NKAIN2: variants seen among roughly 807,000 people sequenced by gnomAD.
The protein encoded by NKAIN2 is sodium/potassium-transporting ATPase subunit beta-1-interacting protein 2.
Under a neutral mutation model 32.6 loss-of-function variants are expected in NKAIN2, and 14 were observed. The observed-to-expected ratio is 0.43, with a 90% CI of 0.28 to 0.67. The LOEUF is 0.67. Ranked by LOEUF, NKAIN2 falls within the 30% of genes least tolerant of loss-of-function variation. The pLI, the probability that NKAIN2 is intolerant of heterozygous loss-of-function variation, is 0.17. For missense variants in NKAIN2, 198 were observed against 258.3 expected (o/e 0.77, Z 1.60); for synonymous variants, 80 against 87.2 (o/e 0.92, Z 0.46).
chr6:123,873,752 T>C (rs1280038884), intron 1 of NKAIN2, among the ~76,000 whole-genome samples: 2 of 152,116 alleles, frequency 1.3e-5, no homozygotes, highest in East Asian at 3.9e-4. Context: ...CAGGAGAGAC[T>C]GGATGGATGG....
At chr6:124,070,032 T>G (rs1465892813) in intron 1 of NKAIN2, among the ~76,000 whole-genome samples, 1 of 152,220 alleles carries the variant, frequency 6.6e-6, no homozygotes, top group Non-Finnish European at 1.5e-5. Context: ...TATTTTAACC[T>G]TATTAATTAG....
chr6:124,056,829 G>A (rs1031378480), intron 1 of NKAIN2, among the ~76,000 whole-genome samples: 1 of 152,004 alleles, frequency 6.6e-6, no homozygotes, highest in Non-Finnish European at 1.5e-5. Flanking sequence ...CATGGAGCCA[G>A]CTTATTGATG....
intron 4 of NKAIN2, among the ~76,000 whole-genome samples, chr6:124,771,598 CTTT>C (rs781411563): frequency 6.6e-6 from 1 of 152,116 alleles, no homozygotes. Context: ...GGATTTAACA[CTTT>C]TGCAAAATTG....
intron 1 of NKAIN2, among the ~76,000 whole-genome samples, chr6:124,088,341 A>G (rs1784279205): frequency 6.6e-6 from 1 of 152,000 alleles, no homozygotes; most frequent in Non-Finnish European, 1.5e-5. Context: ...GGATAATTTG[A>G]GCCCAGAAGT....
intron 3 of NKAIN2, among the ~76,000 whole-genome samples, chr6:124,445,347 CTTTTTA>C (rs573530934): frequency 1.3e-3 from 199 of 152,124 alleles, no homozygotes; most frequent in Non-Finnish European, 2.3e-3. Flanking sequence ...TTGAAAAATA[CTTTTTA>C]TTATTATATC....
intron 1 of NKAIN2, among the ~76,000 whole-genome samples, chr6:123,925,940 G>A (rs1775983846): frequency 6.6e-6 from 1 of 152,156 alleles, no homozygotes; most frequent in Non-Finnish European, 1.5e-5. Flanking sequence ...GAGAAGTCCA[G>A]GATCAAGGTG....
intron 3 of NKAIN2, among the ~76,000 whole-genome samples, chr6:124,432,827 G>C (rs1040298885): frequency 1.3e-5 from 2 of 151,948 alleles, no homozygotes; most frequent in Non-Finnish European, 2.9e-5. Context: ...GGTCTCTCCA[G>C]ACTGCTTCTT....
rs997163934 is a variant in NKAIN2 at position 124,028,696 on chromosome 6, T to G, written c.54+224442T>G. 2.7e-5 allele frequency among the ~76,000 whole-genome samples: 4 copies of G among 149,866 alleles called. No homozygotes were observed. In the East Asian group the frequency reaches 5.9e-4, roughly 22 times the overall value. ...CATTCTAAAAGTTTGTTTATATACA[T>G]GTATACACGTGTATATATACGTGTA... On this transcript the variant is annotated intron_variant, in intron 1 of 6. Coordinates refer to ENST00000368417, the MANE Select transcript of NKAIN2 (RefSeq NM_001040214.3).
chr6:124,261,942 G>A (rs747606184), intron 1 of NKAIN2, among the ~76,000 whole-genome samples: 6 of 151,812 alleles, frequency 4.0e-5, no homozygotes, highest in Non-Finnish European at 5.9e-5. Flanking sequence ...AGGCTGGGTT[G>A]AGGGTCTCTC....
At chr6:124,427,538 C>A (rs1032109146) in intron 3 of NKAIN2, among the ~76,000 whole-genome samples, 1 of 152,148 alleles carries the variant, frequency 6.6e-6, no homozygotes, top group African/African-American at 2.4e-5. Flanking sequence ...GAATCTCATT[C>A]TCTTATGCCA....
intron 3 of NKAIN2, among the ~76,000 whole-genome samples, chr6:124,366,369 C>T (rs150004442): frequency 0.01 from 1,582 of 151,864 alleles, 30 homozygotes; most frequent in African/African-American, 0.036. Context: ...TCTTTGGAGA[C>T]CACAACTTGA....
chr6:123,883,910 A>AAAAC (rs1773588369), intron 1 of NKAIN2, among the ~76,000 whole-genome samples: 1 of 150,466 alleles, frequency 6.6e-6, no homozygotes, highest in Admixed American at 6.6e-5. Flanking sequence ...AAAAAAAAAA[A>AAAAC]AAAAAAATTA....
intron 1 of NKAIN2, among the ~76,000 whole-genome samples, chr6:123,848,226 C>T (rs912133027): frequency 9.2e-5 from 14 of 152,198 alleles, no homozygotes; most frequent in African/African-American, 3.4e-4. Context: ...AATAGCCATA[C>T]CCAGCAATGA....
At chr6:124,208,691 T>A (rs904746928) in intron 1 of NKAIN2, among the ~76,000 whole-genome samples, 3 of 151,496 alleles carry the variant, frequency 2.0e-5, no homozygotes, top group Non-Finnish European at 4.4e-5. Context: ...CTTTATTGTA[T>A]TTTTCTGGTT....
At chr6:123,966,465 C>A (rs947359041) in intron 1 of NKAIN2, among the ~76,000 whole-genome samples, 19 of 152,054 alleles carry the variant, frequency 1.2e-4, no homozygotes, top group Non-Finnish European at 1.2e-4. Context: ...AGGATTTTTG[C>A]TATATATATG....
At chr6:124,612,703 T>G (rs1782738030) in intron 3 of NKAIN2, among the ~76,000 whole-genome samples, 1 of 152,196 alleles carries the variant, frequency 6.6e-6, no homozygotes, top group African/African-American at 2.4e-5. Context: ...TTCTAAGCTT[T>G]ATGAATATAT....
chr6:124,024,067 T>C (rs1306271595), intron 1 of NKAIN2, among the ~76,000 whole-genome samples: 2 of 152,028 alleles, frequency 1.3e-5, no homozygotes, highest in South Asian at 2.1e-4. Context: ...GTTAAAAAAA[T>C]GGGAAAGATG....
chr6:123,817,570 C>A (rs1773746014), intron 1 of NKAIN2, among the ~76,000 whole-genome samples: 2 of 152,092 alleles, frequency 1.3e-5, no homozygotes, highest in Admixed American at 1.3e-4. Flanking sequence ...GCTCTTTATC[C>A]CGAGGCCCGT....
intron 1 of NKAIN2, among the ~76,000 whole-genome samples, chr6:123,921,242 T>C (rs1775737877): frequency 6.6e-6 from 1 of 152,228 alleles, no homozygotes; most frequent in African/African-American, 2.4e-5. Flanking sequence ...TTCTCAGATA[T>C]CCAAGTGAAA....
Sources: gnomAD v4.1 joint callset for allele counts (sites outside exome capture counted in the v4.1 genomes callset) on GRCh38, gnomAD v4.1.1 for gene constraint, MANE v1.5 for transcripts, NCBI Gene and HGNC (gene_info 2026-07-23, HGNC 2026-07-21) for gene names.